Variants in PCDHA8 observed in about 807,000 individuals in gnomAD.
PCDHA8 encodes the protein protocadherin alpha 8.
PCDHA8 carries 53 observed loss-of-function variants against 61.8 expected under a neutral mutation model. The observed-to-expected ratio is 0.86, with a 90% CI of 0.69 to 1.08. The LOEUF (loss-of-function observed/expected upper bound fraction) is 1.08. Ranked by LOEUF, PCDHA8 falls within the 50% of genes least tolerant of loss-of-function variation. The pLI is 0.00. For missense variants in PCDHA8, 1,293 were observed against 1,245.0 expected, an observed-to-expected ratio of 1.04 and a Z score of -0.58; for synonymous variants, 618 against 556.6, an observed-to-expected ratio of 1.11 and a Z score of -1.55.
chr5:140,855,635 T>G (rs1281474999), intron 1 of PCDHA8, among the ~76,000 whole-genome samples: 4 of 149,818 alleles, frequency 2.7e-5, no homozygotes, highest in African/African-American at 7.4e-5. Flanking sequence ...ATTCGGCTAT[T>G]GATAATCATG....
At position 140,912,253 on chromosome 5, in the gene PCDHA8, G is replaced by A. The variant is rs531201374; in HGVS notation, c.2395-66696G>A. Among the ~76,000 whole-genome samples the A allele has an allele frequency of 4.8e-4, 73 of 152,064 alleles. 1 individual carries two copies. The highest frequency in any genetic ancestry group is 1.5e-3 in the South Asian group (7 of 4,810). ...ACTGACTCAAATGTTAATCTCCTTTGATGACACCCTCACAGATATACCCAG... is the reference window on the plus strand; with the variant it reads ...ACTGACTCAAATGTTAATCTCCTTTAATGACACCCTCACAGATATACCCAG... On this transcript the variant is annotated intron_variant, in intron 1 of 3. Coordinates refer to ENST00000531613, the MANE Select transcript of PCDHA8 (RefSeq NM_018911.3).
At chr5:140,894,042 C>T (rs1180138209) in intron 1 of PCDHA8, among the ~76,000 whole-genome samples, 2 of 152,078 alleles carry the variant, frequency 1.3e-5, no homozygotes, top group African/African-American at 2.4e-5. Context: ...TAATGTAAGT[C>T]CTCTGTTGAA....
At chr5:140,884,493 C>G (rs782633321) in intron 1 of PCDHA8, 4 of 1,613,920 alleles carry the variant, frequency 2.5e-6, no homozygotes, top group South Asian at 1.1e-5. Context: ...CTAGTGTGCT[C>G]CAGCGCGGCA....
intron 1 of PCDHA8, among the ~76,000 whole-genome samples, chr5:140,915,707 T>C (rs545075490): frequency 1.3e-4 from 19 of 151,930 alleles, no homozygotes; most frequent in Non-Finnish European, 2.6e-4. Flanking sequence ...AGCACTCCTG[T>C]GGCCCCCACT....
chr5:140,842,355 A>G lies in PCDHA8; in HGVS notation c.1034A>G (p.Asp345Gly), dbSNP rs2150334539. ...TTAGTGAGAATTTTGGATAAAAATG[A>G]TAACGTCCCTGAGATAGCACTGACT... ...TVLVRILDKN[D>G]NVPEIALTSL... Residue 345 changes from aspartate (D) to glycine (G), a missense_variant, in exon 1 of 4, where the codon GAT becomes GGT. By Grantham distance (94) the Asp-to-Gly change is moderately conservative. Transcript: ENST00000531613. The G allele has an allele frequency of 9.3e-6, 15 of 1,607,494 alleles. 1 individual carries two copies. In the East Asian group the frequency reaches 3.1e-4, roughly 33 times the overall value.
chr5:140,946,631 T>TATATATATATATAC (rs57893927), intron 1 of PCDHA8, among the ~76,000 whole-genome samples: 2,707 of 131,678 alleles, frequency 0.021, 122 homozygotes, highest in African/African-American at 0.036. Flanking sequence ...TATATATATA[T>TATATATATATATAC]ACAATGGAAT....
chr5:140,979,566 G>A (rs2096856791), intron 2 of PCDHA8, among the ~76,000 whole-genome samples: 1 of 152,194 alleles, frequency 6.6e-6, no homozygotes, highest in Non-Finnish European at 1.5e-5. Flanking sequence ...GATGAGCCAT[G>A]TAAAGGGCTC....
intron 1 of PCDHA8, chr5:140,848,580 G>T: frequency 6.3e-7 from 1 of 1,595,144 alleles, no homozygotes; most frequent in Non-Finnish European, 8.6e-7. Context: ...GGTGGGGAGC[G>T]GCCAGCTCCA....
chr5:140,944,058 G>A (rs185843356), intron 1 of PCDHA8, among the ~76,000 whole-genome samples: 116 of 152,248 alleles, frequency 7.6e-4, no homozygotes, highest in African/African-American at 2.7e-3. Flanking sequence ...ATACAAAAAG[G>A]TTTCTTGTTA....
chr5:140,927,357 C>A, intron 1 of PCDHA8: 1 of 1,614,052 alleles, frequency 6.2e-7, no homozygotes, highest in South Asian at 1.1e-5. Context: ...ACGAGGGAAG[C>A]AATGGGATAC....
chr5:140,874,500 C>T (rs1241228989), intron 1 of PCDHA8, among the ~76,000 whole-genome samples: 1 of 152,220 alleles, frequency 6.6e-6, no homozygotes, highest in African/African-American at 2.4e-5. Context: ...ATCAAGTTCA[C>T]ATTCTCTTGA....
At chr5:140,976,310 G>A (rs1216220776) in intron 1 of PCDHA8, among the ~76,000 whole-genome samples, 1 of 152,036 alleles carries the variant, frequency 6.6e-6, no homozygotes, top group African/African-American at 2.4e-5. Context: ...CAGCACTTTG[G>A]GAGGCCGAGG....
At chr5:140,903,454 A>G (rs1554190971) in intron 1 of PCDHA8, among the ~76,000 whole-genome samples, 1 of 152,208 alleles carries the variant, frequency 6.6e-6, no homozygotes, top group Non-Finnish European at 1.5e-5. Flanking sequence ...ATCTGATCAA[A>G]CTTAAAATAT....
At chr5:140,942,754 A>C (rs1157116096) in intron 1 of PCDHA8, among the ~76,000 whole-genome samples, 1 of 152,212 alleles carries the variant, frequency 6.6e-6, no homozygotes, top group African/African-American at 2.4e-5. Context: ...TGTATAAATG[A>C]GATGGCATAA....
At chr5:140,935,840 G>T (rs155359) in intron 1 of PCDHA8, among the ~76,000 whole-genome samples, 87,412 of 151,068 alleles carry the variant, frequency 0.58, 26,203 homozygotes, top group African/African-American at 0.75. Context: ...ATTCCATACT[G>T]CTTAATGGTG....
intron 1 of PCDHA8, among the ~76,000 whole-genome samples, chr5:140,953,564 G>C (rs2094904127): frequency 6.6e-6 from 1 of 152,058 alleles, no homozygotes; most frequent in Non-Finnish European, 1.5e-5. Context: ...AAGTTTTAGT[G>C]CCCTCCTCTC....
At chr5:140,864,854 A>T (rs1554159169) in intron 1 of PCDHA8, 1 of 152,178 alleles carries the variant, frequency 6.6e-6, no homozygotes, top group Non-Finnish European at 1.5e-5. Context: ...CCCATACATG[A>T]TGAAGGGTGA....
intron 1 of PCDHA8, chr5:140,929,001 G>A (rs782325865): frequency 6.2e-7 from 1 of 1,613,996 alleles, no homozygotes; most frequent in East Asian, 2.2e-5. Context: ...TTTTCTTCGT[G>A]TGTACCAAGT....
chr5:140,971,488 A>C (rs17119328), intron 1 of PCDHA8, among the ~76,000 whole-genome samples: 9,487 of 152,206 alleles, frequency 0.062, 310 homozygotes, highest in African/African-American at 0.074. Flanking sequence ...ACATTGTTAC[A>C]GTGTGGCAAG....
Sources: gnomAD v4.1 joint callset for allele counts (sites outside exome capture counted in the v4.1 genomes callset) on GRCh38, gnomAD v4.1.1 for gene constraint, MANE v1.5 for transcripts, NCBI Gene and HGNC (gene_info 2026-07-23, HGNC 2026-07-21) for gene names.